The following BAIAP2 variants were observed in gnomAD, a reference collection of about 807,000 sequenced individuals.
The protein encoded by BAIAP2 is BAR/IMD domain containing adaptor protein 2.
Under a neutral mutation model 63.0 loss-of-function variants are expected in BAIAP2, and 18 were observed. The ratio of observed to expected loss-of-function variants is 0.29; its 90% confidence interval spans 0.20 to 0.42. The LOEUF (loss-of-function observed/expected upper bound fraction) is 0.42, where lower values mean the gene tolerates loss of function less well. Ranked by LOEUF, BAIAP2 falls within the 10% of genes least tolerant of loss-of-function variation. The pLI, the probability that BAIAP2 is intolerant of heterozygous loss-of-function variation, is 1.00. For missense variants in BAIAP2, 610 were observed against 734.3 expected, an observed-to-expected ratio of 0.83 and a Z score of 1.96; for synonymous variants, 386 against 307.6, an observed-to-expected ratio of 1.25 and a Z score of -2.67.
At chr17:81,094,627 C>T (rs2057335862) in intron 6 of BAIAP2, among the ~76,000 whole-genome samples, 1 of 152,180 alleles carries the variant, frequency 6.6e-6, no homozygotes, top group Admixed American at 6.5e-5. Context: ...TAAGGGTCCT[C>T]CCATCTCCTT....
intron 3 of BAIAP2, 108 bp downstream of exon 3, chr17:81,058,075 T>C: frequency 2.3e-6 from 2 of 876,408 alleles, no homozygotes; most frequent in Non-Finnish European, 1.7e-6. Flanking sequence ...AGGTTTTGCC[T>C]GTCAAATAGG....
At position 81,046,692 on chromosome 17, in the gene BAIAP2, G is replaced by A. The variant is rs532046990; in HGVS notation, c.55-6976G>A. Reference sequence around the variant, plus strand: ...AAGCTCTGAGGTGTCCTCCCGCGAGGACACTGTCCACTGCTGCAGGGCCCC... The same window carrying A: ...AAGCTCTGAGGTGTCCTCCCGCGAGAACACTGTCCACTGCTGCAGGGCCCC... On this transcript the variant is annotated intron_variant, in intron 1 of 13. Transcript: ENST00000428708. This position sits in a 1 kb window ranked among gnomAD's most constrained non-coding sequence, Gnocchi z 4.5. 9.2e-5 allele frequency among the ~76,000 whole-genome samples: 14 copies of A among 152,292 alleles called. No individual in the cohort carries two copies. Among genetic ancestry groups the A allele is most frequent in the African/African-American group, 3.4e-4 (14 of 41,562 alleles).
chr17:81,035,204 C>T lies in BAIAP2; in HGVS notation c.-51C>T, dbSNP rs767110000. The stretch of plus-strand genomic sequence containing the variant: ...CTGCTGCCGTTACCGCCGCTGCTGC[C>T]GCCGCTTGCGTCCCCCGCTCCGGTC... On this transcript the variant is annotated 5_prime_UTR_variant, in exon 1 of 14. Transcript: ENST00000428708. 2.6e-5 allele frequency: 37 copies of T among 1,422,920 alleles called. No homozygotes were observed. The highest frequency in any genetic ancestry group is 2.9e-5 in the Non-Finnish European group (31 of 1,068,880). 88.1% of individuals were successfully genotyped at this position (1,422,920 alleles called of 1,614,324 possible).
intron 6 of BAIAP2, among the ~76,000 whole-genome samples, chr17:81,096,195 C>T (rs1406782669): frequency 1.3e-5 from 2 of 152,218 alleles, no homozygotes; most frequent in Non-Finnish European, 2.9e-5. Context: ...TGCCTTTTCT[C>T]AGTGCCTCAG....
chr17:81,069,702 C>T (rs927825831), intron 3 of BAIAP2, among the ~76,000 whole-genome samples: 4 of 152,210 alleles, frequency 2.6e-5, no homozygotes, highest in Non-Finnish European at 5.9e-5. Flanking sequence ...GGGGACTCTC[C>T]CCCGCCAGGA....
chr17:81,044,794 C>T (rs547658056), intron 1 of BAIAP2, among the ~76,000 whole-genome samples: 1 of 152,356 alleles, frequency 6.6e-6, no homozygotes, highest in East Asian at 1.9e-4. Flanking sequence ...GGAAGGTTTC[C>T]ACGGGGACAG....
At position 81,103,492 on chromosome 17, in the gene BAIAP2, T is replaced by G. The variant is rs753812724; in HGVS notation, c.643-10T>G. ...CCCTGACCCCTCCCTTCCTGCTGCT[T>G]CCACTTCAGGGCAAGGAGCTGCTGG... On this transcript the variant is annotated splice_polypyrimidine_tract_variant and intron_variant, in intron 7 of 13. Transcript: ENST00000428708. The G allele has an allele frequency of 1.7e-5, 26 of 1,555,650 alleles. No individual in the cohort carries two copies. Among genetic ancestry groups the G allele is most frequent in the Non-Finnish European group, 2.1e-5 (24 of 1,158,058 alleles).
At chr17:81,110,491 G>A in intron 13 of BAIAP2, 1 of 1,033,320 alleles carries the variant, frequency 9.7e-7, no homozygotes, top group African/African-American at 1.7e-5. Context: ...TTACTTGTTT[G>A]AATAAAAGTT....
At chr17:81,040,577 G>A (rs1444906743) in intron 1 of BAIAP2, among the ~76,000 whole-genome samples, 3 of 152,264 alleles carry the variant, frequency 2.0e-5, no homozygotes, top group East Asian at 1.9e-4. Context: ...ATGGAACGGC[G>A]GCCAGCCTGT....
intron 12 of BAIAP2, chr17:81,107,229 C>T (rs2059292151): frequency 6.4e-6 from 2 of 313,996 alleles, no homozygotes; most frequent in Non-Finnish European, 1.2e-5. Context: ...AGTGGCTGGC[C>T]TAGAGGTGGG....
Position 81,108,507 on chromosome 17 carries a change from C to T in BAIAP2, c.1533C>T (p.Ser511=), listed in dbSNP as rs1297998719. The change falls in exon 13 of 14, where the codon AGC becomes AGT. Residue 511 remains serine (S), a splice_region_variant and synonymous_variant. Transcript: ENST00000428708. ...ATGACTATGGAGCGCGGTCCATGAG[C>T]AGGTAAGGGGACTTTCAGACCTGTC... The part of the protein sequence containing the change: ...GLDDYGARSM[S]RNPFAHVQLK... 3 of 1,613,890 alleles carry T rather than the reference C, an allele frequency of 1.9e-6. No homozygotes were observed. The highest frequency in any genetic ancestry group is 1.1e-5 in the South Asian group (1 of 91,090).
chr17:81,071,393 T>C (rs983518856), intron 3 of BAIAP2, among the ~76,000 whole-genome samples: 3 of 152,046 alleles, frequency 2.0e-5, no homozygotes, highest in Non-Finnish European at 2.9e-5. Flanking sequence ...CCCAGGTGGG[T>C]GGTGATGAGC....
At chr17:81,109,941 C>A (rs1284806886) in intron 13 of BAIAP2, 3 of 985,270 alleles carry the variant, frequency 3.0e-6, no homozygotes, top group Middle Eastern at 5.2e-4. Flanking sequence ...CGCACCCACG[C>A]CCCCCACCTG....
At chr17:81,058,740 C>T (rs550107860) in intron 3 of BAIAP2, among the ~76,000 whole-genome samples, 1 of 152,236 alleles carries the variant, frequency 6.6e-6, no homozygotes, top group South Asian at 2.1e-4. Context: ...GGACAGGCTG[C>T]GCTCACTCTT....
At chr17:81,078,918 C>A (rs2054150635) in intron 3 of BAIAP2, among the ~76,000 whole-genome samples, 1 of 152,050 alleles carries the variant, frequency 6.6e-6, no homozygotes, top group Non-Finnish European at 1.5e-5. Flanking sequence ...AGGTCTCTCC[C>A]CTGCAAAGTG....
At chr17:81,062,651 A>G (rs1598590306) in intron 3 of BAIAP2, among the ~76,000 whole-genome samples, 1 of 136,530 alleles carries the variant, frequency 7.3e-6, no homozygotes, top group Non-Finnish European at 1.6e-5. Flanking sequence ...CTGTTCCTGT[A>G]TTACTCCCAC....
At chr17:81,097,146 G>T (rs2057763837) in intron 6 of BAIAP2, among the ~76,000 whole-genome samples, 1 of 152,202 alleles carries the variant, frequency 6.6e-6, no homozygotes, top group African/African-American at 2.4e-5. Flanking sequence ...TGACCCTGTG[G>T]CCAGGCCCTA....
chr17:81,036,905 T>TC (rs1341130813), intron 1 of BAIAP2: 1 of 1,535,932 alleles, frequency 6.5e-7, no homozygotes, highest in Admixed American at 2.0e-5. Flanking sequence ...TCCTATTTTT[T>TC]CTCCTTCTGC....
chr17:81,086,421 T>C, intron 5 of BAIAP2, 22 bp from the exon 6 acceptor site: 1 of 1,612,248 alleles, frequency 6.2e-7, no homozygotes, highest in Non-Finnish European at 8.5e-7. Flanking sequence ...CTTGGTTTTG[T>C]GTTTTATTGT....
Sources: allele counts gnomAD v4.1 joint callset (sites outside exome capture counted in the v4.1 genomes callset), GRCh38; gene constraint gnomAD v4.1.1; non-coding constraint Gnocchi (gnomAD v3.1); transcripts MANE v1.5; gene names NCBI Gene and HGNC (gene_info 2026-07-23, HGNC 2026-07-21).